Variants in SUGCT observed in about 807,000 individuals in gnomAD.
SUGCT encodes succinyl-CoA:glutarate-CoA transferase, also known as succinyl-CoA:glutarate CoA-transferase.
Under a neutral mutation model 55.0 loss-of-function variants are expected in SUGCT, and 41 were observed. The ratio of observed to expected loss-of-function variants is 0.74; its 90% CI spans 0.58 to 0.97. The LOEUF is 0.97. Among genes scored for constraint, SUGCT ranks in the 50% least tolerant of loss-of-function variants. SUGCT has a pLI of 0.00. For missense variants in SUGCT, 568 were observed against 547.8 expected (o/e 1.04, Z -0.37); for synonymous variants, 187 against 200.4 (o/e 0.93, Z 0.56).
downstream of SUGCT, among the ~76,000 whole-genome samples, chr7:40,865,447 A>G (rs1794562273): frequency 6.6e-6 from 1 of 152,152 alleles, no homozygotes; most frequent in South Asian, 2.1e-4. Context: ...AGGGTACTCC[A>G]AATGCTACTC....
intron 5 of SUGCT, among the ~76,000 whole-genome samples, chr7:40,191,553 T>G (rs1040181612): frequency 2.6e-5 from 4 of 152,180 alleles, no homozygotes; most frequent in Non-Finnish European, 5.9e-5. Context: ...TCCCATATCT[T>G]TCCTGTAGCA....
At chr7:40,234,870 C>T (rs1415202245) in intron 6 of SUGCT, among the ~76,000 whole-genome samples, 1 of 151,470 alleles carries the variant, frequency 6.6e-6, no homozygotes, top group East Asian at 1.9e-4. Flanking sequence ...GACGGTGCCA[C>T]TGCGCTCCGG....
intron 9 of SUGCT, among the ~76,000 whole-genome samples, chr7:40,419,837 T>G (rs1022744919): frequency 7.2e-5 from 11 of 152,170 alleles, no homozygotes; most frequent in Non-Finnish European, 1.2e-4. Flanking sequence ...AGAAAAAAAC[T>G]TTATTATTCA....
intron 6 of SUGCT, among the ~76,000 whole-genome samples, chr7:40,227,043 C>CTTTTTTTTTTTTTTT (rs35073564): frequency 1.0e-5 from 1 of 96,226 alleles, no homozygotes; most frequent in Non-Finnish European, 2.0e-5. Flanking sequence ...TTTAATAGAT[C>CTTTTTTTTTTTTTTT]TTTTTTTTTT....
chr7:40,832,070 T>C (rs1792698583), intron 13 of SUGCT, among the ~76,000 whole-genome samples: 1 of 152,146 alleles, frequency 6.6e-6, no homozygotes, highest in African/African-American at 2.4e-5. Context: ...AAGTGAGCAG[T>C]ATGGAGCCTG....
chr7:40,595,485 C>A (rs894154804), intron 12 of SUGCT, among the ~76,000 whole-genome samples: 5 of 152,176 alleles, frequency 3.3e-5, no homozygotes, highest in African/African-American at 1.2e-4. Context: ...ATTGATAAAA[C>A]TGACATCACC....
chr7:40,980,600 GACAGGC>G, the SUGCT span, among the ~76,000 whole-genome samples: 2 of 152,136 alleles, frequency 1.3e-5, no homozygotes, highest in Non-Finnish European at 2.9e-5. Context: ...ACAATGGTGG[GACAGGC>G]ATAGGATAGA....
intron 12 of SUGCT, among the ~76,000 whole-genome samples, chr7:40,585,755 C>G (rs180782094): frequency 2.6e-4 from 39 of 152,272 alleles, no homozygotes; most frequent in Admixed American, 1.0e-3. Flanking sequence ...TTATATCTCA[C>G]TGTGGTCCCG....
chr7:40,453,394 A>G (rs142005709), intron 10 of SUGCT, among the ~76,000 whole-genome samples: 19 of 152,378 alleles, frequency 1.2e-4, no homozygotes, highest in African/African-American at 4.6e-4. Flanking sequence ...GAGAGATTGC[A>G]GAGAGAAGAT....
chr7:40,907,096 AGTGTGTGT>A, the SUGCT span, among the ~76,000 whole-genome samples: 16 of 101,734 alleles, frequency 1.6e-4, no homozygotes, highest in South Asian at 4.3e-4. Context: ...TTGTTCTGAT[AGTGTGTGT>A]GTGTGTGTGT....
chr7:40,544,427 T>TGCA (rs1794879147), intron 12 of SUGCT, among the ~76,000 whole-genome samples: 1 of 152,200 alleles, frequency 6.6e-6, no homozygotes, highest in Non-Finnish European at 1.5e-5. Context: ...GAATCTTCTT[T>TGCA]GCAGCGGGCT....
At chr7:40,483,115 G>C (rs1472291966) in intron 11 of SUGCT, among the ~76,000 whole-genome samples, 3 of 152,100 alleles carry the variant, frequency 2.0e-5, no homozygotes, top group Non-Finnish European at 2.9e-5. Context: ...TAGAAATGCC[G>C]ACCAACAAAT....
chr7:40,981,115 G>A, the SUGCT span, among the ~76,000 whole-genome samples: 1 of 152,250 alleles, frequency 6.6e-6, no homozygotes, highest in Admixed American at 6.5e-5. Flanking sequence ...GCCCACACAT[G>A]CTTCTGCAGA....
intron 9 of SUGCT, among the ~76,000 whole-genome samples, chr7:40,390,466 T>G (rs1785363818): frequency 6.6e-6 from 1 of 152,116 alleles, no homozygotes; most frequent in African/African-American, 2.4e-5. Flanking sequence ...TGTGCAAAAA[T>G]CACAGGCATT....
the SUGCT span, among the ~76,000 whole-genome samples, chr7:40,960,307 G>T: frequency 6.6e-6 from 1 of 152,182 alleles, no homozygotes; most frequent in Non-Finnish European, 1.5e-5. Flanking sequence ...TTGTTTCTCT[G>T]CAGTTTCTTT....
At chr7:40,567,919 G>T (rs1796235734) in intron 12 of SUGCT, among the ~76,000 whole-genome samples, 1 of 152,162 alleles carries the variant, frequency 6.6e-6, no homozygotes, top group Non-Finnish European at 1.5e-5. Context: ...TCTTATGATG[G>T]CATACAAAGA....
At position 40,696,770 on chromosome 7, in the gene SUGCT, G is replaced by C. The variant is rs149847454; in HGVS notation, c.1090-52664G>C. 1.9e-3 allele frequency among the ~76,000 whole-genome samples: 282 copies of C among 152,216 alleles called. 1 individual carries two copies. The highest frequency in any genetic ancestry group is 6.3e-3 in the African/African-American group (262 of 41,532). On this transcript the variant is annotated intron_variant, in intron 12 of 13. Coordinates refer to ENST00000335693, the MANE Select transcript of SUGCT (RefSeq NM_001193313.2). Reference sequence around the variant, plus strand: ...GAATATTTATTACTATGAGGGGAAAGCACACTACAGTTTACAATGACTGCA... The same window carrying C: ...GAATATTTATTACTATGAGGGGAAACCACACTACAGTTTACAATGACTGCA...
At chr7:40,506,226 G>A (rs900946808) in intron 12 of SUGCT, among the ~76,000 whole-genome samples, 2 of 152,002 alleles carry the variant, frequency 1.3e-5, no homozygotes, top group Non-Finnish European at 2.9e-5. Flanking sequence ...ATCTGAGATT[G>A]CCTTTAGTTT....
At chr7:40,619,287 T>C (rs966990991) in intron 12 of SUGCT, among the ~76,000 whole-genome samples, 8 of 152,246 alleles carry the variant, frequency 5.3e-5, no homozygotes, top group African/African-American at 1.7e-4. Flanking sequence ...ACTTCTGCCT[T>C]GTTTATTAAT....
Sources: allele counts gnomAD v4.1 joint callset (sites outside exome capture counted in the v4.1 genomes callset), GRCh38; gene constraint gnomAD v4.1.1; transcripts MANE v1.5; gene names NCBI Gene and HGNC (gene_info 2026-07-23, HGNC 2026-07-21).